The following ROR1 variants were observed in gnomAD, a reference collection of about 807,000 sequenced individuals.
ROR1 encodes the protein ROR family WNT receptor 1, also known as inactive tyrosine-protein kinase transmembrane receptor ROR1.
A neutral mutation model predicts 78.8 loss-of-function variants in ROR1; 19 were observed. The observed-to-expected ratio is 0.24, with a 90% CI of 0.17 to 0.35. ROR1 has a LOEUF of 0.35. Ranked by LOEUF, ROR1 falls within the 10% of genes least tolerant of loss-of-function variation. ROR1 has a pLI of 1.00. For synonymous variants in ROR1, 386 were observed against 433.6 expected (o/e 0.89, Z 1.36); for missense variants, 917 against 1,177.8 (o/e 0.78, Z 3.24).
intron 1 of ROR1, among the ~76,000 whole-genome samples, chr1:63,956,193 T>A (rs930116440): frequency 6.6e-6 from 1 of 152,136 alleles, no homozygotes; most frequent in Non-Finnish European, 1.5e-5. Context: ...AGGCATTGAG[T>A]GGGCAACTAG....
chr1:64,125,970 G>T (rs1648700184), intron 4 of ROR1, among the ~76,000 whole-genome samples: 2 of 152,270 alleles, frequency 1.3e-5, no homozygotes, highest in African/African-American at 4.8e-5. Context: ...GGAACATTCT[G>T]CCTGGTAGAG....
At chr1:64,114,871 C>G (rs1169785450) in intron 4 of ROR1, among the ~76,000 whole-genome samples, 1 of 152,170 alleles carries the variant, frequency 6.6e-6, no homozygotes, top group Non-Finnish European at 1.5e-5. Context: ...CCTCCATTAA[C>G]TGGAATAGTC....
intron 1 of ROR1, among the ~76,000 whole-genome samples, chr1:63,850,645 T>C (rs1195309305): frequency 1.3e-5 from 2 of 152,246 alleles, no homozygotes; most frequent in African/African-American, 4.8e-5. Context: ...GATTTTTTTT[T>C]CCTTTTCCTC....
At chr1:64,081,773 A>G (rs1274256789) in intron 4 of ROR1, among the ~76,000 whole-genome samples, 3 of 151,328 alleles carry the variant, frequency 2.0e-5, no homozygotes, top group Non-Finnish European at 4.4e-5. Context: ...ACTGTCAAAA[A>G]AAAAAAAAAA....
intron 1 of ROR1, among the ~76,000 whole-genome samples, chr1:63,820,886 A>G (rs1644919609): frequency 6.6e-6 from 1 of 152,188 alleles, no homozygotes. Flanking sequence ...TGGTACAGCT[A>G]GGAAGTGGCA....
intron 1 of ROR1, among the ~76,000 whole-genome samples, chr1:63,846,008 T>A (rs1046614225): frequency 3.3e-5 from 5 of 152,186 alleles, no homozygotes; most frequent in African/African-American, 9.7e-5. Context: ...TTTTGGGTGC[T>A]GTGTCTAATC....
At chr1:64,163,609 T>A (rs558056046) in intron 8 of ROR1, among the ~76,000 whole-genome samples, 2 of 152,042 alleles carry the variant, frequency 1.3e-5, no homozygotes, top group Non-Finnish European at 2.9e-5. Flanking sequence ...GATGGCTGTG[T>A]TTTACTTCTC....
intron 7 of ROR1, among the ~76,000 whole-genome samples, chr1:64,151,446 G>A (rs1195315330): frequency 2.0e-5 from 3 of 152,212 alleles, no homozygotes; most frequent in Non-Finnish European, 4.4e-5. Flanking sequence ...GACACTATCA[G>A]TAGAGGTTGG....
chr1:64,072,804 C>T (rs1647018554), intron 4 of ROR1, among the ~76,000 whole-genome samples: 1 of 152,182 alleles, frequency 6.6e-6, no homozygotes, highest in South Asian at 2.1e-4. Flanking sequence ...GAGGGAGGGG[C>T]TTCGTGGATA....
intron 1 of ROR1, among the ~76,000 whole-genome samples, chr1:63,932,123 G>A (rs1016693420): frequency 3.3e-5 from 5 of 152,128 alleles, no homozygotes; most frequent in African/African-American, 1.2e-4. Context: ...CTGAGCCATC[G>A]AATACATAAA....
In ROR1 at chr1:63,816,373, A is replaced by G. The variant is rs187193147; in HGVS notation, c.91+41865A>G. On this transcript the variant is annotated intron_variant, in intron 1 of 8. Coordinates refer to ENST00000371079, the MANE Select transcript of ROR1 (RefSeq NM_005012.4). ...AGCAGGTCTTTCCCATGCTGTTCTC[A>G]TGACAGTGAGTAAGTCTCATGAAAC... Among the ~76,000 whole-genome samples, 3 of 152,288 alleles carry G rather than the reference A, an allele frequency of 2.0e-5. No homozygotes were observed. The East Asian group carries it at 5.8e-4, about 29-fold the overall frequency.
chr1:63,876,673 TGTGTGTGTGCGC>T (rs1249430266), intron 1 of ROR1, among the ~76,000 whole-genome samples: 10 of 138,096 alleles, frequency 7.2e-5, no homozygotes, highest in African/African-American at 2.8e-4. Context: ...TGTGTGTGTG[TGTGTGTGTGCGC>T]GTGTGTGTGT....
chr1:63,820,818 C>T (rs975087391), intron 1 of ROR1, among the ~76,000 whole-genome samples: 46 of 152,054 alleles, frequency 3.0e-4, no homozygotes, highest in African/African-American at 1.1e-3. Context: ...GTTTTTATTG[C>T]TATTGTGCAG....
intron 1 of ROR1, among the ~76,000 whole-genome samples, chr1:63,833,993 T>C (rs558853254): frequency 2.0e-4 from 30 of 149,156 alleles, no homozygotes; most frequent in South Asian, 1.9e-3. Flanking sequence ...TCTTCTTCTT[T>C]TTTTTTTTTT....
chr1:63,892,641 G>A (rs573161790), intron 1 of ROR1, among the ~76,000 whole-genome samples: 1 of 152,200 alleles, frequency 6.6e-6, no homozygotes, highest in East Asian at 1.9e-4. Context: ...TTTTCTTACA[G>A]TAAAACCCAT....
At chr1:63,903,426 C>T (rs930191371) in intron 1 of ROR1, among the ~76,000 whole-genome samples, 9 of 151,196 alleles carry the variant, frequency 6.0e-5, no homozygotes, top group African/African-American at 1.7e-4. Flanking sequence ...GTTTGTCTTC[C>T]ATTTTAGGTT....
At chr1:63,855,200 T>C (rs893623530) in intron 1 of ROR1, among the ~76,000 whole-genome samples, 14 of 152,216 alleles carry the variant, frequency 9.2e-5, no homozygotes, top group African/African-American at 3.1e-4. Context: ...AAGTAATCTG[T>C]TCCTCTCCTC....
chr1:63,967,159 A>G (rs1259233639), intron 1 of ROR1, among the ~76,000 whole-genome samples: 2 of 151,958 alleles, frequency 1.3e-5, no homozygotes, highest in African/African-American at 4.9e-5. Flanking sequence ...CACTCAATAA[A>G]TGCTAGCAAT....
chr1:63,784,035 GT>G (rs201981496), intron 1 of ROR1, among the ~76,000 whole-genome samples: 28 of 149,386 alleles, frequency 1.9e-4, no homozygotes, highest in African/African-American at 3.9e-4. Context: ...CTGCATTGCA[GT>G]TTTTTTTTTC....
Sources: gnomAD v4.1 joint callset for allele counts (sites outside exome capture counted in the v4.1 genomes callset) on GRCh38, gnomAD v4.1.1 for gene constraint, MANE v1.5 for transcripts, NCBI Gene and HGNC (gene_info 2026-07-23, HGNC 2026-07-21) for gene names.